VPS13B: variants seen among roughly 807,000 people sequenced by gnomAD.
VPS13B encodes the protein intermembrane lipid transfer protein VPS13B.
Under a neutral mutation model 426.4 loss-of-function variants are expected in VPS13B, and 285 were observed. The observed-to-expected ratio is 0.67, with a 90% CI of 0.61 to 0.74. The LOEUF is 0.74. VPS13B is among the 30% of genes least tolerant of loss of function. The pLI is 0.00. For missense variants in VPS13B, 4,537 were observed against 4,782.6 expected (o/e 0.95, Z 1.51); for synonymous variants, 1,676 against 1,676.4 (o/e 1.00, Z 0.01).
intron 56 of VPS13B, among the ~76,000 whole-genome samples, chr8:99,854,474 T>C (rs1005832882): frequency 3.9e-5 from 6 of 152,220 alleles, no homozygotes; most frequent in African/African-American, 9.6e-5. Flanking sequence ...CTCCATTTCC[T>C]CATCGATAAA....
intron 15 of VPS13B, among the ~76,000 whole-genome samples, chr8:99,159,740 A>G (rs999007996): frequency 1.3e-5 from 2 of 152,044 alleles, no homozygotes; most frequent in African/African-American, 4.8e-5. Flanking sequence ...GCTCACTGCA[A>G]CCTCCACCTC....
intron 21 of VPS13B, among the ~76,000 whole-genome samples, chr8:99,412,030 G>A (rs1334758676): frequency 5.3e-5 from 8 of 152,048 alleles, no homozygotes; most frequent in African/African-American, 4.8e-5. Flanking sequence ...TTGGCTATGC[G>A]GGCTCTTTTG....
chr8:99,835,505 G>C lies in VPS13B; in HGVS notation c.9743-34G>C, dbSNP rs774134154. 10 of 1,602,936 alleles carry C rather than the reference G, an allele frequency of 6.2e-6. No individual in the cohort carries two copies. The African/African-American group carries it at 1.1e-4, about 17-fold the overall frequency. On this transcript the variant is annotated intron_variant, in intron 53 of 61. Transcript: ENST00000357162. ...GTCCCCCAAGTCTCTGTCTTTAAGG[G>C]CTAATTCTGCATATGCCTTTTTTAA...
chr8:99,263,699 C>T (rs928761745), intron 17 of VPS13B, among the ~76,000 whole-genome samples: 7 of 152,134 alleles, frequency 4.6e-5, no homozygotes, highest in Admixed American at 2.0e-4. Context: ...CTTCTGATTA[C>T]GTTGGGTTCA....
chr8:99,314,031 G>A (rs575517562), intron 19 of VPS13B, among the ~76,000 whole-genome samples: 2 of 152,296 alleles, frequency 1.3e-5, no homozygotes, highest in South Asian at 4.1e-4. Context: ...GTAGTAGTAG[G>A]GTGGGAGTGT....
intron 35 of VPS13B, among the ~76,000 whole-genome samples, chr8:99,662,295 T>C (rs927015163): frequency 1.3e-5 from 2 of 152,134 alleles, no homozygotes; most frequent in African/African-American, 2.4e-5. Context: ...TTCTGTTATT[T>C]CTCCCTCACT....
intron 16 of VPS13B, among the ~76,000 whole-genome samples, chr8:99,191,916 T>C (rs1813616736): frequency 6.6e-6 from 1 of 152,174 alleles, no homozygotes; most frequent in South Asian, 2.1e-4. Context: ...TAGGGTGATA[T>C]ACAAGAGAAG....
chr8:99,868,557 A>G lies in VPS13B; in HGVS notation c.11392+92A>G, dbSNP rs533714974. On this transcript the variant is annotated intron_variant, in intron 59 of 61. Transcript: ENST00000357162. ...TCCCTAAGATAGTGTAACCTTTCAC[A>G]TGGCAGACAGTGGCTATCTTTCTTA... 3.3e-4 allele frequency: 478 copies of G among 1,456,640 alleles called. 7 individuals are homozygous for G. The highest frequency in any genetic ancestry group is 1.8e-3 in the South Asian group (143 of 81,328). The allele number at this position is 1,456,640 out of a possible 1,614,324, so 90.2% of individuals were successfully genotyped here. A position where few individuals can be genotyped will look rare whatever the true frequency, so the allele number is the denominator to read the frequency against.
At chr8:99,833,039 A>T (rs1158687924) in intron 52 of VPS13B, among the ~76,000 whole-genome samples, 1 of 152,246 alleles carries the variant, frequency 6.6e-6, no homozygotes, top group Non-Finnish European at 1.5e-5. Context: ...GGGTTAAAAT[A>T]TGAGCAAGTC....
At chr8:99,112,328 A>C (rs1337485439) in intron 6 of VPS13B, among the ~76,000 whole-genome samples, 1 of 152,174 alleles carries the variant, frequency 6.6e-6, no homozygotes, top group East Asian at 1.9e-4. Context: ...ACTGGTATTA[A>C]CTACTGTTCC....
chr8:99,050,547 C>T (rs1373168297), intron 3 of VPS13B, among the ~76,000 whole-genome samples: 1 of 152,140 alleles, frequency 6.6e-6, no homozygotes, highest in Non-Finnish European at 1.5e-5. Context: ...TGGGCATATA[C>T]CAAGTAATGG....
chr8:99,447,839 A>C (rs1385569024), intron 23 of VPS13B, among the ~76,000 whole-genome samples: 1 of 151,878 alleles, frequency 6.6e-6, no homozygotes, highest in Non-Finnish European at 1.5e-5. Flanking sequence ...TTCCTCAGTT[A>C]TGTTTTTTAA....
At chr8:99,448,326 A>C (rs1818029576) in intron 23 of VPS13B, among the ~76,000 whole-genome samples, 1 of 152,056 alleles carries the variant, frequency 6.6e-6, no homozygotes, top group South Asian at 2.1e-4. Flanking sequence ...AGTAGAAACA[A>C]CTTTTTAACC....
intron 19 of VPS13B, among the ~76,000 whole-genome samples, chr8:99,329,664 A>T (rs1227652822): frequency 6.6e-6 from 1 of 152,102 alleles, no homozygotes; most frequent in Non-Finnish European, 1.5e-5. Flanking sequence ...ATTAAACATA[A>T]CCACTAAGCA....
Position 99,013,341 on chromosome 8 carries a change from CT to C in VPS13B, c.-35del. Reference sequence around the variant, plus strand: ...GAGGTGGAGGGGACGCGGCGGTACTCTGGCGTGTGAGCCGAGGGTGGAGTGC... The same window carrying C: ...GAGGTGGAGGGGACGCGGCGGTACTCGGCGTGTGAGCCGAGGGTGGAGTGC... On this transcript the variant is annotated 5_prime_UTR_variant, in exon 1 of 62. Coordinates refer to ENST00000357162, the MANE Select transcript of VPS13B (RefSeq NM_152564.5). The C allele has an allele frequency of 3.6e-6, 1 of 274,850 alleles. No individual in the cohort carries two copies. Among genetic ancestry groups the C allele is most frequent in the East Asian group, 9.5e-5 (1 of 10,480 alleles). The allele number at this position is 274,850 out of a possible 1,614,324, so 17.0% of individuals were successfully genotyped here.
chr8:99,688,492 CA>C (rs1293384389), intron 35 of VPS13B, among the ~76,000 whole-genome samples: 1 of 151,888 alleles, frequency 6.6e-6, no homozygotes, highest in Non-Finnish European at 1.5e-5. Context: ...AATGAGGAGT[CA>C]AAAAGTCAGA....
intron 19 of VPS13B, among the ~76,000 whole-genome samples, chr8:99,378,154 A>C: frequency 1.2e-5 from 1 of 80,716 alleles, no homozygotes; most frequent in East Asian, 5.6e-4. Flanking sequence ...CCCGGAATGC[A>C]TTCTTTTCCC....
At chr8:99,224,556 A>G (rs990292800) in intron 17 of VPS13B, among the ~76,000 whole-genome samples, 3 of 152,126 alleles carry the variant, frequency 2.0e-5, no homozygotes, top group African/African-American at 7.2e-5. Flanking sequence ...CTAATTAATT[A>G]TATTAATCTG....
At chr8:99,636,980 A>ATT (rs1829096714) in intron 33 of VPS13B, among the ~76,000 whole-genome samples, 1 of 152,062 alleles carries the variant, frequency 6.6e-6, no homozygotes, top group Admixed American at 6.6e-5. Flanking sequence ...TTCATCTTAA[A>ATT]TAAGTTAGGT....
Sources: allele counts gnomAD v4.1 joint callset (sites outside exome capture counted in the v4.1 genomes callset), GRCh38; gene constraint gnomAD v4.1.1; transcripts MANE v1.5; gene names NCBI Gene and HGNC (gene_info 2026-07-23, HGNC 2026-07-21).